Variants in SAMD5 observed in about 807,000 individuals in gnomAD.
SAMD5 encodes the protein sterile alpha motif domain-containing protein 5.
SAMD5 carries 13 observed loss-of-function variants against 11.3 expected under a neutral mutation model. The observed-to-expected ratio is 1.15, with a 90% confidence interval of 0.75 to 1.83. SAMD5 has a LOEUF of 1.83. SAMD5 is among the 40% of genes most tolerant of loss of function. The probability of loss-of-function intolerance (pLI) is 0.00; values close to 1 mark genes in which losing one functional copy is unlikely to be tolerated. For synonymous variants in SAMD5, 129 were observed against 111.3 expected (o/e 1.16, Z -1.00); for missense variants, 255 against 239.1 (o/e 1.07, Z -0.44).
At chr6:147,599,774 C>A (rs1345857981) in intron 1 of SAMD5, among the ~76,000 whole-genome samples, 1 of 152,198 alleles carries the variant, frequency 6.6e-6, no homozygotes, top group Non-Finnish European at 1.5e-5. Flanking sequence ...GCCCTCACTA[C>A]CAGGCTGGTC....
At chr6:147,614,068 G>T (rs1405820220) in intron 1 of SAMD5, among the ~76,000 whole-genome samples, 1 of 151,962 alleles carries the variant, frequency 6.6e-6, no homozygotes, top group Non-Finnish European at 1.5e-5. Flanking sequence ...TGGGGAGATC[G>T]AGAAAAGCCT....
intron 1 of SAMD5, among the ~76,000 whole-genome samples, chr6:147,708,645 G>A (rs1044914721): frequency 1.3e-5 from 2 of 152,192 alleles, no homozygotes; most frequent in Non-Finnish European, 2.9e-5. Flanking sequence ...TGGAAGTTAG[G>A]TTTGGAAGGA....
intron 1 of SAMD5, among the ~76,000 whole-genome samples, chr6:147,643,819 AAG>A (rs1790352691): frequency 6.6e-6 from 1 of 150,954 alleles, no homozygotes; most frequent in Non-Finnish European, 1.5e-5. Context: ...GAAAGAAAGA[AAG>A]AATGTCCTAA....
intron 1 of SAMD5, among the ~76,000 whole-genome samples, chr6:147,689,472 A>G (rs1791068176): frequency 6.6e-6 from 1 of 152,246 alleles, no homozygotes; most frequent in African/African-American, 2.4e-5. Flanking sequence ...CTTTGCTAGT[A>G]GGAGGATTAA....
chr6:147,607,708 A>T (rs1339686723), intron 1 of SAMD5, among the ~76,000 whole-genome samples: 1 of 152,210 alleles, frequency 6.6e-6, no homozygotes, highest in East Asian at 1.9e-4. Context: ...ACATTGAGGA[A>T]ACTCTCCAGG....
chr6:147,849,928 G>A, the SAMD5 span, among the ~76,000 whole-genome samples: 1 of 152,214 alleles, frequency 6.6e-6, no homozygotes, highest in Non-Finnish European at 1.5e-5. Context: ...AAAGGCATTT[G>A]TCTGAAGATA....
intron 1 of SAMD5, among the ~76,000 whole-genome samples, chr6:147,705,138 CT>C (rs1170239189): frequency 6.6e-6 from 1 of 152,188 alleles, no homozygotes; most frequent in South Asian, 2.1e-4. Flanking sequence ...GATTTTGTTG[CT>C]GTCTAATGAA....
At chr6:147,901,567 T>A in the SAMD5 span, among the ~76,000 whole-genome samples, 1 of 152,196 alleles carries the variant, frequency 6.6e-6, no homozygotes, top group Non-Finnish European at 1.5e-5. Flanking sequence ...ATTTTCACAT[T>A]TGGATGTGGC....
the SAMD5 span, among the ~76,000 whole-genome samples, chr6:147,916,448 A>T: frequency 6.6e-6 from 1 of 152,120 alleles, no homozygotes. Flanking sequence ...CGCCATTCTA[A>T]CAGGTGTGAG....
At chr6:147,781,171 T>G in the SAMD5 span, among the ~76,000 whole-genome samples, 2,698 of 151,892 alleles carry the variant, frequency 0.018, 73 homozygotes, top group African/African-American at 0.061. Context: ...TTTTTTTTTT[T>G]TTGAGACAGG....
At chr6:147,744,762 G>A in the SAMD5 span, among the ~76,000 whole-genome samples, 7 of 152,252 alleles carry the variant, frequency 4.6e-5, no homozygotes, top group African/African-American at 1.4e-4. Flanking sequence ...GCTGGGTGTA[G>A]TGGCACGTGC....
At chr6:147,736,270 T>C (rs1791804681) in intron 1 of SAMD5, among the ~76,000 whole-genome samples, 1 of 152,224 alleles carries the variant, frequency 6.6e-6, no homozygotes, top group Admixed American at 6.5e-5. Context: ...GCCTGCCACA[T>C]AGTATGTGTT....
chr6:147,698,856 C>T (rs1323463588), intron 1 of SAMD5, among the ~76,000 whole-genome samples: 1 of 152,086 alleles, frequency 6.6e-6, no homozygotes, highest in African/African-American at 2.4e-5. Context: ...AACTTGGAGG[C>T]TGAGAATGGA....
chr6:147,569,283 A>G lies in SAMD5; in HGVS notation c.*4827A>G, dbSNP rs1415251189. The G allele has an allele frequency of 2.4e-6, 1 of 409,480 alleles. No individual in the cohort carries two copies. The highest frequency in any genetic ancestry group is 1.6e-4 in the East Asian group (1 of 6,302). The allele number at this position is 409,480 out of a possible 1,614,324, so 25.4% of individuals were successfully genotyped here. A position where few individuals can be genotyped will look rare whatever the true frequency, so the allele number is the denominator to read the frequency against. The stretch of plus-strand genomic sequence containing the variant: ...AGAACATAACTTTTCTACTTATGAA[A>G]TAGATAATTTTTTAAAATTGTTTAA... On this transcript the variant is annotated 3_prime_UTR_variant, in exon 2 of 2. Transcript: ENST00000367474.
intron 1 of SAMD5, among the ~76,000 whole-genome samples, chr6:147,683,485 TA>T (rs1694133431): frequency 6.6e-6 from 1 of 152,220 alleles, no homozygotes; most frequent in Non-Finnish European, 1.5e-5. Flanking sequence ...ATTACATGGG[TA>T]TTTTTTTACC....
chr6:147,602,869 G>A (rs1789644275), intron 1 of SAMD5, among the ~76,000 whole-genome samples: 2 of 152,076 alleles, frequency 1.3e-5, no homozygotes, highest in Admixed American at 6.5e-5. Context: ...AAATATTCAG[G>A]CCAATAATGC....
the SAMD5 span, among the ~76,000 whole-genome samples, chr6:147,862,720 T>C: frequency 6.6e-6 from 1 of 152,356 alleles, no homozygotes; most frequent in African/African-American, 2.4e-5. Flanking sequence ...TACATTACTA[T>C]TAAACAGAAT....
chr6:147,695,244 A>G (rs4432996), intron 1 of SAMD5, among the ~76,000 whole-genome samples: 124,440 of 152,196 alleles, frequency 0.82, 50,923 homozygotes, highest in South Asian at 0.85. Flanking sequence ...TCATTGTTTA[A>G]TTAAATATTG....
chr6:147,796,220 A>G, the SAMD5 span, among the ~76,000 whole-genome samples: 4 of 151,292 alleles, frequency 2.6e-5, no homozygotes, highest in Admixed American at 6.6e-5. Flanking sequence ...TAAGTCTTTA[A>G]TCCATCTTGA....
Sources: gnomAD v4.1 joint callset for allele counts (sites outside exome capture counted in the v4.1 genomes callset) on GRCh38, gnomAD v4.1.1 for gene constraint, MANE v1.5 for transcripts, NCBI Gene and HGNC (gene_info 2026-07-23, HGNC 2026-07-21) for gene names.